PHEX: variants seen among roughly 807,000 people sequenced by gnomAD.
PHEX encodes phosphate-regulating neutral endopeptidase PHEX.
Under a neutral mutation model 68.0 loss-of-function variants are expected in PHEX, and 16 were observed. The observed-to-expected ratio is 0.24, with a 90% CI of 0.16 to 0.36. PHEX has a LOEUF of 0.36. Among genes scored for constraint, PHEX ranks in the 10% least tolerant of loss-of-function variants. The pLI, the probability that PHEX is intolerant of heterozygous loss-of-function variation, is 1.00. For synonymous variants in PHEX, 208 were observed against 205.1 expected, an observed-to-expected ratio of 1.01 and a Z score of -0.12; for missense variants, 480 against 575.5, an observed-to-expected ratio of 0.83 and a Z score of 1.70.
intron 3 of PHEX, among the ~76,000 whole-genome samples, chrX:22,053,182 G>A (rs1181099738): frequency 1.8e-5 from 2 of 111,847 alleles, no homozygotes; most frequent in African/African-American, 6.5e-5. Context: ...ATTATCCTTT[G>A]TGTAAATATC....
intron 3 of PHEX, 57 bp from the exon 4 acceptor site, chrX:22,076,331 T>G: frequency 1.2e-6 from 1 of 860,437 alleles, no homozygotes; most frequent in Non-Finnish European, 1.7e-6. Context: ...TCAAATGACT[T>G]CCAACTTGGC....
In PHEX at chrX:22,213,794, T is replaced by G. The variant is rs140552086; in HGVS notation, c.1700+836T>G. Among the ~76,000 whole-genome samples the G allele has an allele frequency of 5.3e-3, 594 of 112,721 alleles. 3 individuals carry two copies. The highest frequency in any genetic ancestry group is 0.023 in the Middle Eastern group (5 of 218). On this transcript the variant is annotated intron_variant, in intron 16 of 21. Transcript: ENST00000379374. ...ATGACAATTTAAAAATATGTAGGTT[T>G]AAAAGATACAGATTCCCATAAATAT...
At chrX:22,045,783 C>T (rs907701021) in intron 2 of PHEX, among the ~76,000 whole-genome samples, 2 of 112,206 alleles carry the variant, frequency 1.8e-5, no homozygotes, top group African/African-American at 6.5e-5. Flanking sequence ...TCTCCTTCTA[C>T]ACCCCAGAAT....
In PHEX at chrX:22,085,345, C is replaced by T. The variant is rs146042513; in HGVS notation, c.664-5084C>T. ...ATCCCAGCACTATGGGAGGTCGAGGCAGGTGGATCACCTGAGGTCAGGGGT... is the reference window on the plus strand; with the variant it reads ...ATCCCAGCACTATGGGAGGTCGAGGTAGGTGGATCACCTGAGGTCAGGGGT... On this transcript the variant is annotated intron_variant, in intron 5 of 21. Transcript: ENST00000379374. Among the ~76,000 whole-genome samples, 957 of 110,802 alleles carry T rather than the reference C, an allele frequency of 8.6e-3. 8 individuals carry two copies. Among genetic ancestry groups the T allele is most frequent in the African/African-American group, 0.03 (910 of 30,422 alleles).
At chrX:22,239,785 G>A (rs1026918132) in intron 20 of PHEX, among the ~76,000 whole-genome samples, 2 of 111,499 alleles carry the variant, frequency 1.8e-5, no homozygotes, top group Non-Finnish European at 3.8e-5. Context: ...TGAAAGTGAC[G>A]GGGAGAATGG....
intron 12 of PHEX, among the ~76,000 whole-genome samples, chrX:22,145,119 C>T (rs1009124558): frequency 4.5e-5 from 5 of 112,002 alleles, no homozygotes; most frequent in Non-Finnish European, 9.4e-5. Context: ...ACTTGCAAAG[C>T]GAAGGGCGAT....
intron 17 of PHEX, among the ~76,000 whole-genome samples, chrX:22,220,505 GA>G (rs901401960): frequency 1.5e-4 from 16 of 106,759 alleles, no homozygotes; most frequent in South Asian, 4.0e-4. Flanking sequence ...TCTTAGCTAA[GA>G]AAAAAAAAAG....
rs1195975373 is a variant in PHEX at position 22,249,144 on chromosome X, C to CA, written c.*1192dup. ...TCATCTAAAGAGTTGTGAGAAAGAG[C>CA]AGTACTATGTGTTTTATCCTTAGAG... On this transcript the variant is annotated 3_prime_UTR_variant, in exon 22 of 22. Transcript: ENST00000379374. 1 of 107,494 alleles carries CA rather than the reference C, an allele frequency of 9.3e-6. No homozygotes were observed. The highest frequency in any genetic ancestry group is 2.9e-4 in the East Asian group (1 of 3,461). 8.9% of individuals were successfully genotyped at this position (107,494 alleles called of 1,213,427 possible). A position where few individuals can be genotyped will look rare whatever the true frequency, so the allele number is the denominator to read the frequency against.
intron 2 of PHEX, among the ~76,000 whole-genome samples, chrX:22,044,917 C>T (rs982820483): frequency 1.6e-4 from 17 of 108,688 alleles, no homozygotes; most frequent in Admixed American, 9.0e-4. Flanking sequence ...AGGCTGGTCT[C>T]GAACTCCTAG....
At chrX:22,096,131 A>G (rs1282448349) in intron 7 of PHEX, among the ~76,000 whole-genome samples, 2 of 111,869 alleles carry the variant, frequency 1.8e-5, no homozygotes, top group Non-Finnish European at 3.8e-5. Context: ...GGAAGGTGGC[A>G]AGTTTAATGC....
At chrX:22,176,597 C>T (rs762232014) in intron 13 of PHEX, among the ~76,000 whole-genome samples, 50 of 109,390 alleles carry the variant, frequency 4.6e-4, no homozygotes, top group African/African-American at 1.6e-3. Context: ...TGTCTGTAAT[C>T]TTCCTTGATC....
intron 6 of PHEX, among the ~76,000 whole-genome samples, chrX:22,091,058 C>G (rs1327942969): frequency 1.8e-5 from 2 of 111,991 alleles, no homozygotes; most frequent in African/African-American, 6.5e-5. Context: ...AGAAATCTAG[C>G]AGTCTCCTGG....
At chrX:22,240,337 C>T (rs939013423) in intron 20 of PHEX, among the ~76,000 whole-genome samples, 6 of 111,913 alleles carry the variant, frequency 5.4e-5, no homozygotes, top group South Asian at 3.8e-4. Context: ...AACTAATGGG[C>T]AAAATATCCA....
intron 3 of PHEX, among the ~76,000 whole-genome samples, chrX:22,052,203 T>C (rs1223185076): frequency 8.9e-6 from 1 of 112,333 alleles, no homozygotes; most frequent in Non-Finnish European, 1.9e-5. Flanking sequence ...TAAGGGATCA[T>C]ATAATACATT....
chrX:22,226,599 G>A (rs1327201610), intron 19 of PHEX, 91 bp downstream of exon 19: 1 of 692,644 alleles, frequency 1.4e-6, no homozygotes, highest in Non-Finnish European at 2.4e-6. Context: ...CCATGTTCTT[G>A]AGGAGTTAGT....
At position 22,032,995 on chromosome X, in the gene PHEX, C is replaced by T. The variant is rs781538001; in HGVS notation, c.-11C>T. On this transcript the variant is annotated 5_prime_UTR_variant, in exon 1 of 22. In the 5' UTR this introduces an upstream ATG that the reference lacks. Transcript: ENST00000379374. ...TGACTTTCTTCTCGTGTGCTCTCTA[C>T]GGCCCTTCTGATGGAAGCAGAAACA... 49 of 1,172,041 alleles carry T rather than the reference C, an allele frequency of 4.2e-5. No individual in the cohort carries two copies. The East Asian group carries it at 6.5e-4, about 16-fold the overall frequency.
At chrX:22,224,708 A>G (rs1260732802) in intron 18 of PHEX, among the ~76,000 whole-genome samples, 1 of 110,454 alleles carries the variant, frequency 9.1e-6, no homozygotes, top group African/African-American at 3.3e-5. Flanking sequence ...AATATACGTA[A>G]AGCAGGAATG....
At chrX:22,229,762 A>G (rs1343522263) in intron 20 of PHEX, among the ~76,000 whole-genome samples, 2 of 112,027 alleles carry the variant, frequency 1.8e-5, no homozygotes, top group Admixed American at 9.5e-5. Context: ...CCATTTGTCA[A>G]TTTTGGCTTT....
intron 11 of PHEX, among the ~76,000 whole-genome samples, chrX:22,118,811 C>T (rs773454361): frequency 1.7e-4 from 19 of 111,729 alleles, no homozygotes; most frequent in Admixed American, 9.5e-4. Context: ...TTGGACACAC[C>T]GATACACCAA....
Sources: gnomAD v4.1 joint callset for allele counts (sites outside exome capture counted in the v4.1 genomes callset) on GRCh38, gnomAD v4.1.1 for gene constraint, MANE v1.5 for transcripts, NCBI Gene and HGNC (gene_info 2026-07-23, HGNC 2026-07-21) for gene names.